Variants in CDH18 observed in about 807,000 individuals in gnomAD.
CDH18 encodes cadherin-18.
A neutral mutation model predicts 67.9 loss-of-function variants in CDH18; 31 were observed. That is an observed-to-expected ratio of 0.46 (90% CI 0.34 to 0.62). The LOEUF (loss-of-function observed/expected upper bound fraction) is 0.62, where lower values mean the gene tolerates loss of function less well. CDH18 is among the 20% of genes least tolerant of loss of function. The pLI is 0.01. For synonymous variants in CDH18, 362 were observed against 347.2 expected (o/e 1.04, Z -0.48); for missense variants, 890 against 975.5 (o/e 0.91, Z 1.17).
At chr5:20,209,594 GAA>G (rs35894925) in intron 2 of CDH18, among the ~76,000 whole-genome samples, 20,601 of 151,794 alleles carry the variant, frequency 0.14, 2,208 homozygotes, top group African/African-American at 0.3. Context: ...CAGAGTCTGG[GAA>G]AATTGGCATA....
intron 1 of CDH18, among the ~76,000 whole-genome samples, chr5:20,515,531 G>T (rs767809701): frequency 3.3e-5 from 5 of 151,856 alleles, no homozygotes; most frequent in Non-Finnish European, 5.9e-5. Flanking sequence ...ATACGCATTT[G>T]TCTGCTCTTG....
chr5:19,915,140 C>T (rs1358926626), intron 2 of CDH18, among the ~76,000 whole-genome samples: 7 of 152,060 alleles, frequency 4.6e-5, no homozygotes, highest in Non-Finnish European at 8.8e-5. Flanking sequence ...GCATTTTCTG[C>T]CTGAATCTGT....
intron 1 of CDH18, among the ~76,000 whole-genome samples, chr5:20,272,758 C>G (rs1373133831): frequency 6.6e-6 from 1 of 151,866 alleles, no homozygotes; most frequent in African/African-American, 2.4e-5. Flanking sequence ...TATTCTGTAC[C>G]TCAGTTAAAA....
chr5:20,344,273 A>T (rs1740522494), intron 1 of CDH18, among the ~76,000 whole-genome samples: 1 of 152,120 alleles, frequency 6.6e-6, no homozygotes, highest in African/African-American at 2.4e-5. Context: ...ATGCTTGTGA[A>T]ATTTGCCTTA....
chr5:19,645,393 G>A (rs1561532926), intron 5 of CDH18, among the ~76,000 whole-genome samples: 1 of 152,146 alleles, frequency 6.6e-6, no homozygotes. Context: ...AGAACCTTAG[G>A]AGCGAATGTG....
At chr5:20,347,357 G>C (rs1740785648) in intron 1 of CDH18, among the ~76,000 whole-genome samples, 1 of 152,148 alleles carries the variant, frequency 6.6e-6, no homozygotes, top group African/African-American at 2.4e-5. Flanking sequence ...TCCCCTCACA[G>C]CTTGAGCAGC....
chr5:20,532,852 T>G (rs1272495325), intron 1 of CDH18, among the ~76,000 whole-genome samples: 1 of 152,018 alleles, frequency 6.6e-6, no homozygotes, highest in Non-Finnish European at 1.5e-5. Flanking sequence ...TTTGTAGGGG[T>G]TTGTAAAACT....
chr5:19,855,373 A>G (rs1454877689), intron 2 of CDH18, among the ~76,000 whole-genome samples: 1 of 152,068 alleles, frequency 6.6e-6, no homozygotes, highest in Non-Finnish European at 1.5e-5. Context: ...TTTATGCATA[A>G]CCATTTTCAA....
intron 2 of CDH18, among the ~76,000 whole-genome samples, chr5:19,876,391 A>G (rs1218447462): frequency 6.6e-6 from 1 of 152,152 alleles, no homozygotes; most frequent in Non-Finnish European, 1.5e-5. Context: ...TGCAAGAAAT[A>G]TCAACTATAA....
At chr5:20,095,371 G>A (rs1580228255) in intron 2 of CDH18, among the ~76,000 whole-genome samples, 1 of 115,748 alleles carries the variant, frequency 8.6e-6, no homozygotes, top group Non-Finnish European at 1.8e-5. Flanking sequence ...AAAGACAGAA[G>A]AAAGAAAGAA....
intron 1 of CDH18, among the ~76,000 whole-genome samples, chr5:20,427,148 T>C (rs955838607): frequency 1.3e-5 from 2 of 151,256 alleles, no homozygotes; most frequent in African/African-American, 2.5e-5. Flanking sequence ...TTTCGTTTAA[T>C]ATTCTACTTT....
In CDH18 at chr5:19,543,918, G is replaced by A; in HGVS notation, c.1341C>T (p.Asp447=). 2 of 1,595,612 alleles carry A rather than the reference G, an allele frequency of 1.3e-6. No homozygotes were observed. The highest frequency in any genetic ancestry group is 1.7e-6 in the Non-Finnish European group (2 of 1,167,318). ...TGTTGTACCATGGAGTTTCTTCTCT[G>A]TCGAGAACCTTTGTAGTCCTAATGG... ...TGTIRTTKVL[D]REETPWYNIT... The change falls in exon 9 of 13, where the codon GAC becomes GAT. Residue 447 remains aspartate, a synonymous_variant. Coordinates refer to ENST00000382275, the MANE Select transcript of CDH18 (RefSeq NM_004934.5).
chr5:20,214,786 G>A (rs1740627734), intron 2 of CDH18, among the ~76,000 whole-genome samples: 1 of 152,008 alleles, frequency 6.6e-6, no homozygotes, highest in Admixed American at 6.6e-5. Context: ...AATGGGCAAA[G>A]GTTTCCTAAC....
At chr5:19,795,009 C>T (rs577097081) in intron 3 of CDH18, among the ~76,000 whole-genome samples, 4 of 151,904 alleles carry the variant, frequency 2.6e-5, no homozygotes, top group Non-Finnish European at 5.9e-5. Context: ...AAAAGGCTAC[C>T]CAGGCCTAGT....
intron 1 of CDH18, among the ~76,000 whole-genome samples, chr5:20,543,454 T>G (rs960115604): frequency 2.0e-5 from 3 of 152,126 alleles, no homozygotes; most frequent in Admixed American, 1.3e-4. Context: ...TTTAGTGTTT[T>G]CTTTATTTTG....
rs1219217161 is a variant in CDH18 at position 20,390,988 on chromosome 5, G to T, written c.-579-135483C>A. On this transcript the variant is annotated intron_variant, in intron 1 of 14. Transcript: ENST00000507958. ...GTCACACACTGGGGCCTGTTGTGGG[G>T]TGGGGGAAGAGGGGAGGGATAGCAT... 2.6e-5 allele frequency among the ~76,000 whole-genome samples: 4 copies of T among 152,126 alleles called. No individual in the cohort carries two copies. In the East Asian group the frequency reaches 7.8e-4, roughly 30 times the overall value.
At chr5:20,007,715 GTC>G in intron 2 of CDH18, among the ~76,000 whole-genome samples, 1 of 145,242 alleles carries the variant, frequency 6.9e-6, no homozygotes, top group South Asian at 2.1e-4. Flanking sequence ...GTGTGTGTGT[GTC>G]ATAAGTCATT....
chr5:19,677,014 G>C (rs1263863415), intron 5 of CDH18, among the ~76,000 whole-genome samples: 1 of 152,030 alleles, frequency 6.6e-6, no homozygotes, highest in Non-Finnish European at 1.5e-5. Flanking sequence ...AATCTGAGGA[G>C]GCAAGAATTG....
chr5:20,114,699 G>C (rs1449648990), intron 2 of CDH18, among the ~76,000 whole-genome samples: 1 of 152,110 alleles, frequency 6.6e-6, no homozygotes, highest in African/African-American at 2.4e-5. Context: ...CCAGATGGTA[G>C]GCTGTGTCAG....
Sources: allele counts gnomAD v4.1 joint callset (sites outside exome capture counted in the v4.1 genomes callset), GRCh38; gene constraint gnomAD v4.1.1; transcripts MANE v1.5; gene names NCBI Gene and HGNC (gene_info 2026-07-23, HGNC 2026-07-21).